EEA1: variants seen among roughly 807,000 people sequenced by gnomAD.
EEA1 encodes early endosome antigen 1, 162kD.
EEA1 carries 111 observed loss-of-function variants against 209.2 expected under a neutral mutation model. The observed-to-expected ratio is 0.53, with a 90% CI of 0.45 to 0.62. EEA1 has a LOEUF of 0.62. EEA1 is among the 20% of genes least tolerant of loss of function. EEA1 has a pLI of 0.00. For synonymous variants in EEA1, 536 were observed against 540.6 expected, an observed-to-expected ratio of 0.99 and a Z score of 0.12; for missense variants, 1,343 against 1,530.8, an observed-to-expected ratio of 0.88 and a Z score of 2.05.
rs188959119 is a variant in EEA1, at chr12:92,914,274, C to A, written c.24+14769G>T. Reference sequence around the variant, plus strand: ...AAACCACAGTGCATATTTTTGTCAACTTCATCGAATATCAATTAGTATAAG... The same window carrying A: ...AAACCACAGTGCATATTTTTGTCAAATTCATCGAATATCAATTAGTATAAG... On this transcript the variant is annotated intron_variant, in intron 1 of 28. Transcript: ENST00000322349. Among the ~76,000 whole-genome samples the A allele has an allele frequency of 6.0e-4, 92 of 152,164 alleles. 1 individual carries two copies. The highest frequency in any genetic ancestry group is 5.2e-3 in the Admixed American group (80 of 15,266).
chr12:92,891,054 T>C (rs541001796), intron 2 of EEA1, among the ~76,000 whole-genome samples: 57 of 152,172 alleles, frequency 3.7e-4, no homozygotes, highest in Non-Finnish European at 7.1e-4. Flanking sequence ...TCACATTCCT[T>C]ATCTCCTTTT....
Position 92,842,581 on chromosome 12 carries a change from C to G in EEA1, c.799G>C (p.Ala267Pro). 2 of 1,544,638 alleles carry G rather than the reference C, an allele frequency of 1.3e-6. No individual in the cohort carries two copies. The highest frequency in any genetic ancestry group is 1.2e-5 in the South Asian group (1 of 83,340). Residue 267 changes from alanine to proline, a missense_variant and splice_region_variant, in exon 10 of 29, where the codon GCC becomes CCC. Physicochemically the swap from Ala to Pro is conservative, Grantham distance 27. Coordinates refer to ENST00000322349, the MANE Select transcript of EEA1 (RefSeq NM_003566.4). ...TCACTCCTTAGCTGGCTTATTGTGG[C>G]CTAACAAAACAAAACAAAACAAAAA... ...KLQSQYASSEATISQLRSELA... is the reference protein window; with the variant it reads ...KLQSQYASSEPTISQLRSELA...
chr12:92,782,272 A>G (rs1033664639), intron 22 of EEA1, 137 bp from the exon 23 acceptor site: 34 of 486,568 alleles, frequency 7.0e-5, no homozygotes, highest in African/African-American at 6.5e-4. Context: ...AAGACAGGTA[A>G]AAGAGAAAGA....
chr12:92,770,995 T>G lies in EEA1; in HGVS notation c.*5016A>C, dbSNP rs1873407938. 1 of 45,566 alleles carries G rather than the reference T, an allele frequency of 2.2e-5. No individual in the cohort carries two copies. The highest frequency in any genetic ancestry group is 1.5e-3 in the South Asian group (1 of 682). The allele number at this position is 45,566 out of a possible 1,614,324, so 2.8% of individuals were successfully genotyped here. On this transcript the variant is annotated 3_prime_UTR_variant, in exon 29 of 29. Transcript: ENST00000322349. The stretch of plus-strand genomic sequence containing the variant: ...CATAAAAATACTTTCTGGTTTTGAT[T>G]GGTGTGTGTGTGTGTGTGTGTGTGT...
intron 1 of EEA1, among the ~76,000 whole-genome samples, chr12:92,908,175 C>T (rs1324609043): frequency 1.3e-5 from 2 of 152,132 alleles, no homozygotes; most frequent in East Asian, 3.8e-4. Context: ...TGATAACATG[C>T]TGCAACATGA....
intron 16 of EEA1, among the ~76,000 whole-genome samples, chr12:92,811,815 T>C (rs1358167607): frequency 6.6e-6 from 1 of 151,814 alleles, no homozygotes; most frequent in Non-Finnish European, 1.5e-5. Flanking sequence ...TTACAGTGTT[T>C]ACATTTATGA....
At position 92,788,032 on chromosome 12, in the gene EEA1, T is replaced by C. The variant is rs1565808019; in HGVS notation, c.2985A>G (p.Lys995=). The stretch of plus-strand genomic sequence containing the variant: ...CTGCCTGTGTTAACTGCTGCTGTAG[T>C]TTATTCTCAAGCTCTGTCTGAAACA... The part of the protein sequence containing the change: ...AVLQKTELEN[K]LQQQLTQAAQ... Residue 995 remains lysine (K), a synonymous_variant, in exon 22 of 29, where the codon AAA becomes AAG. Transcript: ENST00000322349. 1 of 1,603,148 alleles carries C rather than the reference T, an allele frequency of 6.2e-7. No homozygotes were observed. Among genetic ancestry groups the C allele is most frequent in the Non-Finnish European group, 8.5e-7 (1 of 1,175,624 alleles).
chr12:92,816,333 T>G lies in EEA1; in HGVS notation c.1796A>C (p.His599Pro). Residue 599 changes from histidine to proline, a missense_variant, in exon 15 of 29, where the codon CAT becomes CCT. Coordinates refer to ENST00000322349, the MANE Select transcript of EEA1 (RefSeq NM_003566.4). The stretch of plus-strand genomic sequence containing the variant: ...TGCCTTCTGCTCTTGTACCTGGTCA[T>G]GCAAATTCTCCTGGGCTTGTTTATG... ...ESHKQAQENL[H>P]DQVQEQKAHL... The G allele has an allele frequency of 1.2e-6, 2 of 1,614,042 alleles. No individual in the cohort carries two copies. Among genetic ancestry groups the G allele is most frequent in the Non-Finnish European group, 1.7e-6 (2 of 1,179,900 alleles).
chr12:92,863,725 T>C (rs1489388338), intron 3 of EEA1, among the ~76,000 whole-genome samples: 1 of 152,222 alleles, frequency 6.6e-6, no homozygotes, highest in Non-Finnish European at 1.5e-5. Context: ...AAATAAGAAC[T>C]GAAAATAATC....
intron 24 of EEA1, 140 bp downstream of exon 24, chr12:92,780,140 G>C: frequency 1.2e-6 from 1 of 840,476 alleles, no homozygotes; most frequent in Non-Finnish European, 1.7e-6. Context: ...ACTCTGGCAA[G>C]AGTATTTGTC....
intron 11 of EEA1, among the ~76,000 whole-genome samples, chr12:92,831,479 T>A (rs1016710477): frequency 6.7e-6 from 1 of 148,824 alleles, no homozygotes; most frequent in African/African-American, 2.4e-5. Context: ...TATAGGTAAA[T>A]AATATATGAA....
intron 13 of EEA1, among the ~76,000 whole-genome samples, chr12:92,821,878 T>C (rs1876068360): frequency 6.7e-6 from 1 of 149,986 alleles, no homozygotes; most frequent in African/African-American, 2.4e-5. Context: ...ATAATATAAA[T>C]CTATATTATT....
intron 16 of EEA1, among the ~76,000 whole-genome samples, chr12:92,811,668 T>C (rs113592448): frequency 1.3e-3 from 204 of 152,222 alleles, no homozygotes; most frequent in African/African-American, 4.8e-3. Flanking sequence ...GTTTAATAAC[T>C]TTTCAATGTT....
intron 3 of EEA1, among the ~76,000 whole-genome samples, chr12:92,864,022 A>C (rs73362499): frequency 0.017 from 2,579 of 152,310 alleles, 32 homozygotes; most frequent in East Asian, 0.04. Flanking sequence ...TAATTCACAC[A>C]TAAAAATACC....
chr12:92,779,342 T>C, intron 24 of EEA1, 42 bp from the exon 25 acceptor site: 1 of 1,526,488 alleles, frequency 6.6e-7, no homozygotes. Context: ...TCCTTCATAG[T>C]AAATATTTCA....
rs909716074 is a variant in EEA1 at position 92,776,156 on chromosome 12, A to G, written c.4114-23T>C. On this transcript the variant is annotated intron_variant, in intron 28 of 28. Transcript: ENST00000322349. Reference sequence around the variant, plus strand: ...ATGCTGTAAATGACAAAAATTAAACAATTTCAAGAATAAAAACTATACCAA... The same window carrying G: ...ATGCTGTAAATGACAAAAATTAAACGATTTCAAGAATAAAAACTATACCAA... 3 of 1,589,468 alleles carry G rather than the reference A, an allele frequency of 1.9e-6. No homozygotes were observed. The African/African-American group carries it at 4.1e-5, about 21-fold the overall frequency.
At chr12:92,871,764 G>C (rs1878660343) in intron 2 of EEA1, among the ~76,000 whole-genome samples, 1 of 152,026 alleles carries the variant, frequency 6.6e-6, no homozygotes, top group East Asian at 1.9e-4. Context: ...TTTTCATTAT[G>C]GTATCCAGTT....
chr12:92,820,852 A>G (rs1876019307), intron 13 of EEA1, among the ~76,000 whole-genome samples: 1 of 152,042 alleles, frequency 6.6e-6, no homozygotes, highest in Non-Finnish European at 1.5e-5. Flanking sequence ...CCCTTTACAG[A>G]TGCCAATTCT....
intron 11 of EEA1, among the ~76,000 whole-genome samples, chr12:92,831,521 G>A (rs1226037823): frequency 1.6e-4 from 23 of 146,770 alleles, no homozygotes; most frequent in Non-Finnish European, 2.2e-4. Context: ...AATAATATAT[G>A]AATTATATAT....
Sources: gnomAD v4.1 joint callset for allele counts (sites outside exome capture counted in the v4.1 genomes callset) on GRCh38, gnomAD v4.1.1 for gene constraint, MANE v1.5 for transcripts, NCBI Gene and HGNC (gene_info 2026-07-23, HGNC 2026-07-21) for gene names.